CRB1: variants seen among roughly 807,000 people sequenced by gnomAD.
The protein encoded by CRB1 is protein crumbs homolog 1.
CRB1 carries 83 observed loss-of-function variants against 120.0 expected under a neutral mutation model. The ratio of observed to expected loss-of-function variants is 0.69; its 90% CI spans 0.58 to 0.83. The LOEUF is 0.83. CRB1 is among the 40% of genes least tolerant of loss of function. The pLI is 0.00. For synonymous variants in CRB1, 625 were observed against 612.5 expected, an observed-to-expected ratio of 1.02 and a Z score of -0.30; for missense variants, 1,699 against 1,687.6, an observed-to-expected ratio of 1.01 and a Z score of -0.12.
the CRB1 span, among the ~76,000 whole-genome samples, chr1:197,229,237 G>C: frequency 6.6e-6 from 1 of 152,178 alleles, no homozygotes; most frequent in Non-Finnish European, 1.5e-5. Flanking sequence ...ACAGAGACAG[G>C]CACTGTGGTG....
chr1:197,307,365 T>C (rs1228036922), intron 1 of CRB1, among the ~76,000 whole-genome samples: 1 of 152,206 alleles, frequency 6.6e-6, no homozygotes, highest in Admixed American at 6.5e-5. Context: ...GGTTTACATA[T>C]GAAATTCTGT....
the CRB1 span, among the ~76,000 whole-genome samples, chr1:197,213,370 G>C: frequency 5.9e-5 from 9 of 152,152 alleles, no homozygotes; most frequent in African/African-American, 2.2e-4. Flanking sequence ...GGCATTTGGG[G>C]GAGCTTCTCC....
chr1:197,344,620 A>G, intron 3 of CRB1, 144 bp downstream of exon 3: 1 of 752,416 alleles, frequency 1.3e-6, no homozygotes, highest in Non-Finnish European at 2.3e-6. Context: ...AAACATTCAG[A>G]TTTCACTAAA....
intron 11 of CRB1, 132 bp downstream of exon 11, chr1:197,442,424 A>C (rs1288122452): frequency 7.5e-6 from 12 of 1,593,876 alleles, no homozygotes; most frequent in Admixed American, 1.7e-5. Context: ...ATTAACATAC[A>C]TTTGAACATT....
chr1:197,277,794 A>T (rs944951710), intron 1 of CRB1, among the ~76,000 whole-genome samples: 13 of 151,992 alleles, frequency 8.6e-5, no homozygotes, highest in African/African-American at 3.1e-4. Flanking sequence ...TAGGTCTCCA[A>T]TTTCTCACTT....
intron 5 of CRB1, among the ~76,000 whole-genome samples, chr1:197,400,748 C>A (rs1663025042): frequency 6.6e-6 from 1 of 152,062 alleles, no homozygotes; most frequent in South Asian, 2.1e-4. Context: ...TTTAAGTTTC[C>A]TTTTGACTCT....
chr1:197,357,674 CT>C (rs1238324917), intron 5 of CRB1: 1 of 155,200 alleles, frequency 6.4e-6, no homozygotes, highest in Non-Finnish European at 1.4e-5. Flanking sequence ...CAATCTAGAT[CT>C]CTATCATATT....
chr1:197,291,065 G>A (rs1355808752), intron 1 of CRB1, among the ~76,000 whole-genome samples: 2 of 151,824 alleles, frequency 1.3e-5, no homozygotes, highest in African/African-American at 4.8e-5. Flanking sequence ...CTAGTTCAAC[G>A]TTTGTAAACT....
At position 197,438,563 on chromosome 1, in the gene CRB1, T is replaced by TCAA; in HGVS notation, c.3769_3771dup (p.Thr1257dup). ...TCTCTCTAGACAGAGCAGATTACCC[T>TCAA]CAACAGTCTGTGGGAATGAGAAGAC... On this transcript the variant is annotated inframe_insertion, in exon 10 of 12. Transcript: ENST00000367400. 6.2e-7 allele frequency: 1 copy of TCAA among 1,612,546 alleles called. No homozygotes were observed. The highest frequency in any genetic ancestry group is 1.1e-5 in the South Asian group (1 of 91,068).
chr1:197,472,821 G>C (rs1329031214), intron 11 of CRB1, among the ~76,000 whole-genome samples: 15 of 152,136 alleles, frequency 9.9e-5, no homozygotes. Flanking sequence ...CTGAGTGGAT[G>C]GTAGGAGTTC....
chr1:197,442,872 C>T (rs1665522101), intron 11 of CRB1: 1 of 177,306 alleles, frequency 5.6e-6, no homozygotes, highest in Admixed American at 5.7e-5. Flanking sequence ...CTCCTATAAT[C>T]CCAGCACTAT....
chr1:197,435,652 A>G (rs1402814994), intron 9 of CRB1, 40 bp downstream of exon 9: 1 of 1,528,652 alleles, frequency 6.5e-7, no homozygotes, highest in Admixed American at 1.8e-5. Flanking sequence ...CTTTGAAGCT[A>G]TACTCTGCAT....
intron 10 of CRB1, 47 bp from the exon 11 acceptor site, chr1:197,442,119 T>C (rs2125513451): frequency 6.2e-7 from 1 of 1,613,652 alleles, no homozygotes; most frequent in East Asian, 2.2e-5. Flanking sequence ...TCACAACCAA[T>C]GTATTCAACA....
At chr1:197,345,565 G>A (rs986066452) in intron 3 of CRB1, among the ~76,000 whole-genome samples, 12 of 138,516 alleles carry the variant, frequency 8.7e-5, no homozygotes, top group African/African-American at 3.3e-4. Context: ...CTGGAGTGCA[G>A]TGGTGTGATC....
the CRB1 span, among the ~76,000 whole-genome samples, chr1:197,252,613 T>TGTGTGTGTGA: frequency 1.0e-3 from 115 of 111,116 alleles, no homozygotes; most frequent in African/African-American, 2.3e-3. Context: ...TGTGTGTGTG[T>TGTGTGTGTGA]GATATATATA....
At chr1:197,410,323 G>C (rs1172846269) in intron 5 of CRB1, among the ~76,000 whole-genome samples, 1 of 152,204 alleles carries the variant, frequency 6.6e-6, no homozygotes, top group Admixed American at 6.5e-5. Flanking sequence ...TTTAAACATA[G>C]ACACTTTTAG....
At chr1:197,340,969 G>A (rs186904823) in intron 2 of CRB1, among the ~76,000 whole-genome samples, 35 of 152,232 alleles carry the variant, frequency 2.3e-4, no homozygotes, top group Middle Eastern at 3.4e-3. Flanking sequence ...AACAAGTTGC[G>A]TCTTACATGG....
chr1:197,304,838 G>A (rs1271336188), intron 1 of CRB1, among the ~76,000 whole-genome samples: 1 of 152,190 alleles, frequency 6.6e-6, no homozygotes, highest in Non-Finnish European at 1.5e-5. Flanking sequence ...CCATTCACCA[G>A]TGTTCATTCA....
intron 11 of CRB1, among the ~76,000 whole-genome samples, chr1:197,456,830 T>C (rs1666306798): frequency 6.6e-6 from 1 of 152,148 alleles, no homozygotes; most frequent in African/African-American, 2.4e-5. Context: ...CATAATCACA[T>C]GGACACAGCC....
Sources: allele counts gnomAD v4.1 joint callset (sites outside exome capture counted in the v4.1 genomes callset), GRCh38; gene constraint gnomAD v4.1.1; transcripts MANE v1.5; gene names NCBI Gene and HGNC (gene_info 2026-07-23, HGNC 2026-07-21).